Variants in PIM1 observed in about 807,000 individuals in gnomAD.
The protein encoded by PIM1 is Pim-1 proto-oncogene, serine/threonine kinase.
In PIM1, 9 loss-of-function variants were observed where a neutral mutation model predicts 34.5. The ratio of observed to expected loss-of-function variants is 0.26; its 90% CI spans 0.16 to 0.46. The LOEUF (loss-of-function observed/expected upper bound fraction) is 0.46. Among genes scored for constraint, PIM1 ranks in the 20% least tolerant of loss-of-function variants. PIM1 has a pLI of 1.00. For missense variants in PIM1, 274 were observed against 410.9 expected (o/e 0.67, Z 2.88); for synonymous variants, 199 against 175.2 (o/e 1.14, Z -1.07).
chr6:37,172,908 TAA>T, intron 4 of PIM1, 86 bp from the exon 5 acceptor site: 1 of 1,045,734 alleles, frequency 9.6e-7, no homozygotes, highest in Non-Finnish European at 1.4e-6. Flanking sequence ...TTTTTTTTTT[TAA>T]AAGAAAGAGT....
chr6:37,175,094 G>A lies in PIM1; in HGVS notation c.*1003G>A, dbSNP rs904147912. 1.3e-5 allele frequency: 3 copies of A among 233,434 alleles called. No individual in the cohort carries two copies. Among genetic ancestry groups the A allele is most frequent in the Non-Finnish European group, 2.5e-5 (3 of 118,154 alleles). 14.5% of individuals were successfully genotyped at this position (233,434 alleles called of 1,614,324 possible). A position where few individuals can be genotyped will look rare whatever the true frequency, so the allele number is the denominator to read the frequency against. ...TCCTCCTCTGACTTGGGGACCTTTT[G>A]GGGGAGGGCTGCGACGCTTGCTCTG... On this transcript the variant is annotated 3_prime_UTR_variant, in exon 6 of 6. Coordinates refer to ENST00000373509, the MANE Select transcript of PIM1 (RefSeq NM_002648.4).
In PIM1 at chr6:37,171,385, C is replaced by T; in HGVS notation, c.501C>T (p.Asp167=). Residue 167 remains aspartate, a synonymous_variant, in exon 4 of 6, where the codon GAC becomes GAT. Transcript: ENST00000373509. The stretch of plus-strand genomic sequence containing the variant: ...ACAACTGCGGGGTGCTCCACCGCGA[C>T]ATCAAGGACGAAAACATCCTTATCG... ...HCHNCGVLHR[D]IKDENILIDL... 1 of 1,614,098 alleles carries T rather than the reference C, an allele frequency of 6.2e-7. No individual in the cohort carries two copies. The highest frequency in any genetic ancestry group is 8.5e-7 in the Non-Finnish European group (1 of 1,180,036).
rs775201801 is a variant in PIM1 at position 37,172,977 on chromosome 6, C to G, written c.608-19C>G. 2 of 1,611,914 alleles carry G rather than the reference C, an allele frequency of 1.2e-6. No individual in the cohort carries two copies. The highest frequency in any genetic ancestry group is 2.2e-5 in the South Asian group (2 of 91,040). ...TTTTGCTAAAAGTGTGTTTTCTCTT[C>G]TATTCCCTTGGCTCACAGGGACCCG... is the stretch of plus-strand genomic sequence containing the variant. On this transcript the variant is annotated intron_variant, in intron 4 of 5. Coordinates refer to ENST00000373509, the MANE Select transcript of PIM1 (RefSeq NM_002648.4).
At position 37,170,332 on chromosome 6, in the gene PIM1, C is replaced by T; in HGVS notation, c.-244C>T. 6.7e-7 allele frequency: 1 copy of T among 1,490,248 alleles called. No homozygotes were observed. Among genetic ancestry groups the T allele is most frequent in the Non-Finnish European group, 8.9e-7 (1 of 1,124,828 alleles). 92.3% of individuals were successfully genotyped at this position (1,490,248 alleles called of 1,614,324 possible). A position where few individuals can be genotyped will look rare whatever the true frequency, so the allele number is the denominator to read the frequency against. ...CGCACGAGCCCCACGAGCCGCTCAC[C>T]CCGCCGTTCTCAGCGCTGCCCGACC... On this transcript the variant is annotated 5_prime_UTR_variant, in exon 1 of 6. Coordinates refer to ENST00000373509, the MANE Select transcript of PIM1 (RefSeq NM_002648.4).
chr6:37,170,901 G>T, intron 2 of PIM1, 22 bp downstream of exon 2: 1 of 1,611,968 alleles, frequency 6.2e-7, no homozygotes, highest in Admixed American at 1.7e-5. Flanking sequence ...CCCCGCGGTG[G>T]GGAGGGCGCG....
chr6:37,170,222 C>T lies in PIM1; in HGVS notation c.-354C>T. On this transcript the variant is annotated 5_prime_UTR_variant, in exon 1 of 6. Coordinates refer to ENST00000373509, the MANE Select transcript of PIM1 (RefSeq NM_002648.4). ...GTGGCTGAGGAGGCCCGAGAGGAGT[C>T]GGTGGCAGCGGCGGCGGCGGGACCG... is the stretch of plus-strand genomic sequence containing the variant. The T allele has an allele frequency of 7.9e-7, 1 of 1,271,272 alleles. No homozygotes were observed. Among genetic ancestry groups the T allele is most frequent in the Non-Finnish European group, 1.0e-6 (1 of 1,003,888 alleles). The allele number at this position is 1,271,272 out of a possible 1,614,324, so 78.7% of individuals were successfully genotyped here.
chr6:37,171,321 G>T lies in PIM1; in HGVS notation c.437G>T (p.Ser146Ile). The T allele has an allele frequency of 6.2e-7, 1 of 1,614,074 alleles. No homozygotes were observed. The highest frequency in any genetic ancestry group is 8.5e-7 in the Non-Finnish European group (1 of 1,180,040). Residue 146 changes from serine to isoleucine, a missense_variant, in exon 4 of 6, where the codon AGC (serine) becomes ATC (isoleucine). Coordinates refer to ENST00000373509, the MANE Select transcript of PIM1 (RefSeq NM_002648.4). ...GCCCTGCAAGAGGAGCTGGCCCGCA[G>T]CTTCTTCTGGCAGGTGCTGGAGGCC... ...RGALQEELAR[S>I]FFWQVLEAVR...
Position 37,170,929 on chromosome 6 carries a change from G to A in PIM1, c.189+50G>A, listed in dbSNP as rs780592791. The A allele has an allele frequency of 3.1e-6, 5 of 1,613,288 alleles. No homozygotes were observed. In the East Asian group the frequency reaches 1.1e-4, roughly 36 times the overall value. On this transcript the variant is annotated intron_variant, in intron 2 of 5. Transcript: ENST00000373509. ...AGGGCGCGCCGGGCGGGGGGCGCAC[G>A]GGCGTGCTTTAGCCCGGACGAGGGA...
chr6:37,170,804 C>A lies in PIM1; in HGVS notation c.114C>A (p.Tyr38Ter), dbSNP rs1184805609. ...AGAAGGAGCCCCTGGAGTCGCAGTA[C>A]CAGGTGGGCCCGCTACTGGGCAGCG... is the stretch of plus-strand genomic sequence containing the variant. ...GKEKEPLESQ[Y>*]QVGPLLGSGG... Residue 38 changes from tyrosine to a stop codon, truncating the protein, a stop_gained, in exon 2 of 6, where the codon TAC becomes TAA. Coordinates refer to ENST00000373509, the MANE Select transcript of PIM1 (RefSeq NM_002648.4). LOFTEE classifies it high-confidence loss of function. The A allele has an allele frequency of 6.2e-7, 1 of 1,612,962 alleles. No homozygotes were observed. Among genetic ancestry groups the A allele is most frequent in the Non-Finnish European group, 8.5e-7 (1 of 1,179,662 alleles).
chr6:37,172,520 C>T (rs1762308615), intron 4 of PIM1: 1 of 447,196 alleles, frequency 2.2e-6, no homozygotes, highest in Non-Finnish European at 4.5e-6. Flanking sequence ...GGAGGAAGGC[C>T]TCCCAAAGGG....
At position 37,172,360 on chromosome 6, in the gene PIM1, G is replaced by A. The variant is rs534972078; in HGVS notation, c.608-636G>A. The A allele has an allele frequency of 1.1e-3, 376 of 340,308 alleles. 3 individuals are homozygous for A. Among genetic ancestry groups the A allele is most frequent in the African/African-American group, 7.3e-3 (339 of 46,616 alleles). 21.1% of individuals were successfully genotyped at this position (340,308 alleles called of 1,614,324 possible). On this transcript the variant is annotated intron_variant, in intron 4 of 5. Coordinates refer to ENST00000373509, the MANE Select transcript of PIM1 (RefSeq NM_002648.4). ...TCAAGTCTTTGCTGCCCCCTGGTGA[G>A]CACCAGCGGCATGGCCCCTCCTTTT... is the stretch of plus-strand genomic sequence containing the variant.
chr6:37,174,305 C>G lies in PIM1; in HGVS notation c.*214C>G, dbSNP rs1480010716. 2 of 430,668 alleles carry G rather than the reference C, an allele frequency of 4.6e-6. No homozygotes were observed. The highest frequency in any genetic ancestry group is 4.1e-6 in the Non-Finnish European group (1 of 241,216). 26.7% of individuals were successfully genotyped at this position (430,668 alleles called of 1,614,324 possible). Reference sequence around the variant, plus strand: ...ACTCTCCAGGGGTCCTAGGCCTCAACTCCTCCCATAGATACTCTCTTCTTC... The same window carrying G: ...ACTCTCCAGGGGTCCTAGGCCTCAAGTCCTCCCATAGATACTCTCTTCTTC... On this transcript the variant is annotated 3_prime_UTR_variant, in exon 6 of 6. Transcript: ENST00000373509.
rs1039299510 is a variant in PIM1 at position 37,170,449 on chromosome 6, C to G, written c.-127C>G. On this transcript the variant is annotated 5_prime_UTR_variant, in exon 1 of 6. Coordinates refer to ENST00000373509, the MANE Select transcript of PIM1 (RefSeq NM_002648.4). Reference sequence around the variant, plus strand: ...CCTTCCGCGCCAGCCGCAGCCACAGCCGCAACGCCACCCGCAGCCACAGCC... The same window carrying G: ...CCTTCCGCGCCAGCCGCAGCCACAGGCGCAACGCCACCCGCAGCCACAGCC... The G allele has an allele frequency of 8.4e-6, 13 of 1,546,442 alleles. No homozygotes were observed. The highest frequency in any genetic ancestry group is 7.8e-5 in the Admixed American group (4 of 51,406).
chr6:37,171,116 C>A lies in PIM1; in HGVS notation c.241-9C>A, dbSNP rs559724151. ...CTCCCGCCCTAACGCGGCCCCCTCG[C>A]CCCTGCAGCCTAATGGCACTCGAGT... On this transcript the variant is annotated splice_polypyrimidine_tract_variant and intron_variant, in intron 3 of 5. Transcript: ENST00000373509. 1 of 1,613,870 alleles carries A rather than the reference C, an allele frequency of 6.2e-7. No individual in the cohort carries two copies. Among genetic ancestry groups the A allele is most frequent in the African/African-American group, 1.3e-5 (1 of 75,068 alleles).
intron 1 of PIM1, 39 bp from the exon 2 acceptor site, chr6:37,170,734 C>T (rs764924373): frequency 6.9e-6 from 11 of 1,604,558 alleles, no homozygotes; most frequent in Middle Eastern, 1.7e-4. Context: ...TGGCGGCTCG[C>T]GGGCCGGCAC....
In PIM1 at chr6:37,170,625, G is replaced by C. The variant is rs532972131; in HGVS notation, c.50G>C (p.Cys17Ser). 1.2e-6 allele frequency: 2 copies of C among 1,612,756 alleles called. No individual in the cohort carries two copies. The highest frequency in any genetic ancestry group is 1.7e-5 in the Admixed American group (1 of 59,986). ...CTTGCCCACCTGCGCGCCGCGCCCT[G>C]CAACGACCTGCACGCCACCAAGCTG... ...NSLAHLRAAPCNDLHATKLAP... is the reference protein window; with the variant it reads ...NSLAHLRAAPSNDLHATKLAP... Residue 17 changes from cysteine (C) to serine (S), a missense_variant, in exon 1 of 6, where the codon TGC (cysteine) becomes TCC (serine). This residue lies in a region of PIM1 where 106 missense variants were observed against 111.5 expected (regional missense o/e 0.95). Transcript: ENST00000373509.
intron 4 of PIM1, chr6:37,172,769 A>G (rs1762314565): frequency 1.5e-6 from 1 of 664,534 alleles, no homozygotes; most frequent in Non-Finnish European, 2.8e-6. Flanking sequence ...AAAGAATTTC[A>G]GTTTATGGTT....
Position 37,175,173 on chromosome 6 carries a change from T to C in PIM1, c.*1082T>C, listed in dbSNP as rs35355876. On this transcript the variant is annotated 3_prime_UTR_variant, in exon 6 of 6. Coordinates refer to ENST00000373509, the MANE Select transcript of PIM1 (RefSeq NM_002648.4). ...CAGTGCTGCAGCTCCCTGGCTTCTG[T>C]GGGGCCCCTCACCTACTTACCCAGG... The C allele has an allele frequency of 9.0e-4, 210 of 233,594 alleles. No homozygotes were observed. The highest frequency in any genetic ancestry group is 5.3e-3 in the South Asian group (29 of 5,520). 14.5% of individuals were successfully genotyped at this position (233,594 alleles called of 1,614,324 possible).
At position 37,171,335 on chromosome 6, in the gene PIM1, G is replaced by A; in HGVS notation, c.451G>A (p.Val151Met). 1 of 1,613,984 alleles carries A rather than the reference G, an allele frequency of 6.2e-7. No individual in the cohort carries two copies. Among genetic ancestry groups the A allele is most frequent in the Non-Finnish European group, 8.5e-7 (1 of 1,180,038 alleles). The change falls in exon 4 of 6, where the codon GTG (valine) becomes ATG (methionine). Residue 151 changes from valine to methionine, a missense_variant. Physicochemically the swap from Val to Met is conservative, Grantham distance 21. Transcript: ENST00000373509. ...GCTGGCCCGCAGCTTCTTCTGGCAG[G>A]TGCTGGAGGCCGTGCGGCACTGCCA... ...EELARSFFWQ[V>M]LEAVRHCHNC...
Sources: gnomAD v4.1 joint callset for allele counts on GRCh38, gnomAD v4.1.1 for gene constraint, gnomAD v4.1.1 regional missense constraint, MANE v1.5 for transcripts, NCBI Gene and HGNC (gene_info 2026-07-23, HGNC 2026-07-21) for gene names.